SLC18B1: variants seen among roughly 807,000 people sequenced by gnomAD.
The protein encoded by SLC18B1 is solute carrier family 18 member B1.
SLC18B1 carries 62 observed loss-of-function variants against 53.9 expected under a neutral mutation model. That is an observed-to-expected ratio of 1.15 (90% confidence interval 0.94 to 1.42). The LOEUF is 1.42. Among genes scored for constraint, SLC18B1 ranks in the 40% most tolerant of loss-of-function variants. The pLI is 0.00. For missense variants in SLC18B1, 598 were observed against 547.3 expected, an observed-to-expected ratio of 1.09 and a Z score of -0.93; for synonymous variants, 217 against 200.9, an observed-to-expected ratio of 1.08 and a Z score of -0.68.
At chr6:132,780,686 C>CGAGTA (rs1241552599) in intron 6 of SLC18B1, among the ~76,000 whole-genome samples, 1 of 150,794 alleles carries the variant, frequency 6.6e-6, no homozygotes, top group Non-Finnish European at 1.5e-5. Context: ...CTCAGCCTCC[C>CGAGTA]GAGTAGCTGG....
rs1276254547 is a variant in SLC18B1, at chr6:132,772,860, T to C, written c.1085+133A>G. ...TTACTATTTATATCATAATATCATA[T>C]GCTACAAAATCATGAAGATTTAACA... On this transcript the variant is annotated intron_variant, in intron 10 of 13. Transcript: ENST00000275227. The C allele has an allele frequency of 4.9e-6, 3 of 616,802 alleles. No individual in the cohort carries two copies. In the African/African-American group the frequency reaches 5.5e-5, roughly 11 times the overall value. 38.2% of individuals were successfully genotyped at this position (616,802 alleles called of 1,614,324 possible).
At position 132,787,523 on chromosome 6, in the gene SLC18B1, C is replaced by T. The variant is rs907743024; in HGVS notation, c.412G>A (p.Val138Ile). The T allele has an allele frequency of 1.9e-6, 3 of 1,610,806 alleles. No individual in the cohort carries two copies. The highest frequency in any genetic ancestry group is 2.5e-6 in the Non-Finnish European group (3 of 1,178,784). The change falls in exon 5 of 14, where the codon GTA (valine) becomes ATA (isoleucine). Residue 138 changes from valine (V) to isoleucine (I), a missense_variant. Coordinates refer to ENST00000275227, the MANE Select transcript of SLC18B1 (RefSeq NM_052831.3). ...GCAGCAAAGCTAACTGCATCCATTA[C>T]TCTCACTAGAAAACACATAGCAATA... ...VFIAMCFLVR[V>I]MDAVSFAAAM...
intron 2 of SLC18B1, among the ~76,000 whole-genome samples, 184 bp downstream of exon 2, chr6:132,796,798 T>C (rs920062033): frequency 8.5e-5 from 13 of 152,174 alleles, no homozygotes; most frequent in South Asian, 2.1e-4. Flanking sequence ...TCTTTTTGAC[T>C]GGATTTTTTT....
At chr6:132,778,165 A>G (rs981350234) in intron 7 of SLC18B1, among the ~76,000 whole-genome samples, 7 of 152,312 alleles carry the variant, frequency 4.6e-5, no homozygotes, top group East Asian at 3.9e-4. Context: ...CACAAGGTCA[A>G]TTGATCAGTT....
intron 2 of SLC18B1, 84 bp downstream of exon 2, chr6:132,796,898 A>T (rs1781705568): frequency 1.4e-6 from 2 of 1,382,080 alleles, no homozygotes; most frequent in Admixed American, 4.7e-5. Flanking sequence ...CATTTTATAT[A>T]CTATAAAATA....
chr6:132,781,583 G>A (rs1460827415), intron 6 of SLC18B1, among the ~76,000 whole-genome samples: 1 of 151,380 alleles, frequency 6.6e-6, no homozygotes, highest in East Asian at 2.0e-4. Context: ...ATAGTGAAAC[G>A]CTGTCTCTAC....
Position 132,776,339 on chromosome 6 carries a change from C to T in SLC18B1, c.886G>A (p.Asp296Asn). The T allele has an allele frequency of 6.2e-7, 1 of 1,612,740 alleles. No individual in the cohort carries two copies. Residue 296 changes from aspartate to asparagine, a missense_variant, in exon 8 of 14, where the codon GAT becomes AAT. Coordinates refer to ENST00000275227, the MANE Select transcript of SLC18B1 (RefSeq NM_052831.3). Reference sequence around the variant, plus strand: ...TTAAGTGTACGTACTGGCCTTTTATCACTTAGGAGACCAAATAGTGGTGAA... The same window carrying T: ...TTAAGTGTACGTACTGGCCTTTTATTACTTAGGAGACCAAATAGTGGTGAA... ...ISSPLFGLLS[D>N]KRPPLRKWLL...
At chr6:132,780,565 GTTTTTTTTTTTT>G (rs10537572) in intron 6 of SLC18B1, among the ~76,000 whole-genome samples, 2 of 75,904 alleles carry the variant, frequency 2.6e-5, no homozygotes, top group African/African-American at 1.2e-4. Context: ...CGTGGTGTTA[GTTTTTTTTTTTT>G]TTTTTTTTTT....
rs1194046562 is a variant in SLC18B1 at position 132,769,548 on chromosome 6, C to CA, written c.*721dup. 2 of 151,788 alleles carry CA rather than the reference C, an allele frequency of 1.3e-5. No homozygotes were observed. Among genetic ancestry groups the CA allele is most frequent in the Non-Finnish European group, 2.9e-5 (2 of 67,936 alleles). The allele number at this position is 151,788 out of a possible 1,614,324, so 9.4% of individuals were successfully genotyped here. A position where few individuals can be genotyped will look rare whatever the true frequency, so the allele number is the denominator to read the frequency against. ...ACAAAAACAAAACAGATGGTAGAGCCAAAAAACAGAGACATTAAAGGAAAT... is the reference window on the plus strand; with the variant it reads ...ACAAAAACAAAACAGATGGTAGAGCCAAAAAAACAGAGACATTAAAGGAAAT... On this transcript the variant is annotated 3_prime_UTR_variant, in exon 14 of 14. Coordinates refer to ENST00000275227, the MANE Select transcript of SLC18B1 (RefSeq NM_052831.3).
At chr6:132,780,565 G>GTTTTTTTT (rs10537572) in intron 6 of SLC18B1, among the ~76,000 whole-genome samples, 1 of 75,902 alleles carries the variant, frequency 1.3e-5, no homozygotes, top group African/African-American at 5.8e-5. Flanking sequence ...CGTGGTGTTA[G>GTTTTTTTT]TTTTTTTTTT....
rs190466738 is a variant in SLC18B1 at position 132,773,617 on chromosome 6, A to C, written c.990-529T>G. On this transcript the variant is annotated intron_variant, in intron 9 of 13. Coordinates refer to ENST00000275227, the MANE Select transcript of SLC18B1 (RefSeq NM_052831.3). ...CTCCTTTTTGTAGATGAGAAAACCGAGGCTCTTGGAAGTTAAGTGGTTTGC... is the reference window on the plus strand; with the variant it reads ...CTCCTTTTTGTAGATGAGAAAACCGCGGCTCTTGGAAGTTAAGTGGTTTGC... Among the ~76,000 whole-genome samples, 70 of 152,324 alleles carry C rather than the reference A, an allele frequency of 4.6e-4. 1 individual carries two copies. Among genetic ancestry groups the C allele is most frequent in the Admixed American group, 1.8e-3 (27 of 15,306 alleles).
At chr6:132,790,344 A>G in intron 2 of SLC18B1, 72 bp from the exon 3 acceptor site, 1 of 1,025,926 alleles carries the variant, frequency 9.7e-7, no homozygotes, top group South Asian at 1.6e-5. Flanking sequence ...GAAATAATAG[A>G]TCAGGGCATC....
chr6:132,797,460 G>A (rs953051814), intron 1 of SLC18B1, among the ~76,000 whole-genome samples: 1 of 152,106 alleles, frequency 6.6e-6, no homozygotes, highest in Non-Finnish European at 1.5e-5. Context: ...TTAGCCGGGC[G>A]TGGTGGCGGG....
intron 2 of SLC18B1, among the ~76,000 whole-genome samples, chr6:132,791,279 A>G (rs543156745): frequency 7.9e-5 from 12 of 152,320 alleles, no homozygotes; most frequent in Non-Finnish European, 1.6e-4. Flanking sequence ...CTTTTGGCAG[A>G]GCTTTGGATT....
At chr6:132,786,845 T>C (rs1033865222) in intron 5 of SLC18B1, among the ~76,000 whole-genome samples, 4 of 152,098 alleles carry the variant, frequency 2.6e-5, no homozygotes, top group African/African-American at 9.7e-5. Flanking sequence ...ATCTGATATG[T>C]CACTAATACC....
In SLC18B1 at chr6:132,784,049, C is replaced by T; in HGVS notation, c.542G>A (p.Gly181Asp). The T allele has an allele frequency of 1.2e-6, 2 of 1,607,142 alleles. No homozygotes were observed. Among genetic ancestry groups the T allele is most frequent in the Non-Finnish European group, 1.7e-6 (2 of 1,177,140 alleles). Reference sequence around the variant, plus strand: ...ATACAAAAAGCCACCTACAGGAGGACCTAGTATTAGCCCCAGTCCAGAAAA... The same window carrying T: ...ATACAAAAAGCCACCTACAGGAGGATCTAGTATTAGCCCCAGTCCAGAAAA... Reference protein sequence around the residue: ...ETFSGLGLILGPPVGGFLYQS... With the variant: ...ETFSGLGLILDPPVGGFLYQS... Residue 181 changes from glycine to aspartate, a missense_variant, in exon 6 of 14, where the codon GGT becomes GAT. Transcript: ENST00000275227.
intron 11 of SLC18B1, 51 bp from the exon 12 acceptor site, chr6:132,771,180 T>G (rs748850836): frequency 6.7e-7 from 1 of 1,496,554 alleles, no homozygotes; most frequent in African/African-American, 1.4e-5. Flanking sequence ...AATAAATAAT[T>G]ACTTCATGAA....
At chr6:132,787,988 C>T (rs1242621962) in intron 4 of SLC18B1, among the ~76,000 whole-genome samples, 1 of 151,778 alleles carries the variant, frequency 6.6e-6, no homozygotes, top group Non-Finnish European at 1.5e-5. Context: ...GGTGAAACCC[C>T]GTCTCTACTA....
Position 132,783,994 on chromosome 6 carries a change from A to C in SLC18B1, c.597T>G (p.Ile199Met). The change falls in exon 6 of 14, where the codon ATT becomes ATG. Residue 199 changes from isoleucine (I) to methionine (M), a missense_variant. Ile to Met is a conservative substitution (Grantham distance 10). Transcript: ENST00000275227. The part of the protein sequence containing the change: ...YQSFGYEVPF[I>M]VLGCVVLLMV... ...TCAGCAAAACGACGCATCCCAGAAC[A>C]ATAAAAGGCACTTCATAGCCAAAGG... 2 of 1,611,076 alleles carry C rather than the reference A, an allele frequency of 1.2e-6. No homozygotes were observed. Among genetic ancestry groups the C allele is most frequent in the Non-Finnish European group, 1.7e-6 (2 of 1,178,724 alleles).
Sources: allele counts gnomAD v4.1 joint callset (sites outside exome capture counted in the v4.1 genomes callset), GRCh38; gene constraint gnomAD v4.1.1; transcripts MANE v1.5; gene names NCBI Gene and HGNC (gene_info 2026-07-23, HGNC 2026-07-21).